MCM5: variants seen among roughly 807,000 people sequenced by gnomAD.
MCM5 encodes the protein DNA replication licensing factor MCM5.
MCM5 carries 46 observed loss-of-function variants against 79.9 expected under a neutral mutation model. The ratio of observed to expected loss-of-function variants is 0.58; its 90% CI spans 0.45 to 0.74. The LOEUF (loss-of-function observed/expected upper bound fraction) is 0.74. Among genes scored for constraint, MCM5 ranks in the 30% least tolerant of loss-of-function variants. MCM5 has a pLI of 0.00. For synonymous variants in MCM5, 404 were observed against 390.5 expected, an observed-to-expected ratio of 1.03 and a Z score of -0.41; for missense variants, 883 against 1,017.0, an observed-to-expected ratio of 0.87 and a Z score of 1.79.
the MCM5 span, among the ~76,000 whole-genome samples, chr22:35,445,950 G>A: frequency 6.6e-6 from 1 of 152,340 alleles, no homozygotes; most frequent in African/African-American, 2.4e-5. Context: ...ACTGCAACCT[G>A]TGTTCTTTGA....
At chr22:35,418,709 A>ACT (rs1555904721) in intron 13 of MCM5, among the ~76,000 whole-genome samples, 1 of 150,754 alleles carries the variant, frequency 6.6e-6, no homozygotes, top group African/African-American at 2.5e-5. Context: ...ACACACACAC[A>ACT]CTCACTCTTA....
intron 4 of MCM5, among the ~76,000 whole-genome samples, chr22:35,404,482 T>G (rs1164454705): frequency 6.6e-6 from 1 of 152,174 alleles, no homozygotes; most frequent in African/African-American, 2.4e-5. Flanking sequence ...AACATACCCC[T>G]TCCCCCCCGT....
Position 35,424,140 on chromosome 22 carries a change from A to C in MCM5, c.2104-14A>C. On this transcript the variant is annotated splice_polypyrimidine_tract_variant and intron_variant, in intron 16 of 16. Transcript: ENST00000216122. ...GGGCAGCACGTGCCGTTAGCCAGCC[A>C]TGTGCTCCCACAGAAATACCCGGAG... is the stretch of plus-strand genomic sequence containing the variant. 6.5e-7 allele frequency: 1 copy of C among 1,535,978 alleles called. No individual in the cohort carries two copies. The highest frequency in any genetic ancestry group is 8.8e-7 in the Non-Finnish European group (1 of 1,134,098).
intron 5 of MCM5, among the ~76,000 whole-genome samples, chr22:35,408,098 C>T (rs149975409): frequency 5.9e-5 from 9 of 152,302 alleles, no homozygotes; most frequent in Non-Finnish European, 1.3e-4. Flanking sequence ...TGAACTAGCT[C>T]TTCACCCATG....
the MCM5 span, among the ~76,000 whole-genome samples, chr22:35,452,513 A>G: frequency 6.3e-3 from 957 of 152,324 alleles, 2 homozygotes; most frequent in Non-Finnish European, 9.5e-3. Context: ...CCTCCACGGT[A>G]AAGTGACGCT....
the MCM5 span, among the ~76,000 whole-genome samples, chr22:35,447,781 T>G: frequency 5.3e-5 from 8 of 152,250 alleles, no homozygotes; most frequent in Non-Finnish European, 1.0e-4. Context: ...CATTAACTCT[T>G]AAGGAGGAAA....
rs1932233572 is a variant in MCM5 at position 35,406,865 on chromosome 22, G to A, written c.596+140G>A. 6.0e-6 allele frequency: 5 copies of A among 837,458 alleles called. No homozygotes were observed. In the East Asian group the frequency reaches 1.3e-4, roughly 22 times the overall value. 51.9% of individuals were successfully genotyped at this position (837,458 alleles called of 1,614,324 possible). On this transcript the variant is annotated intron_variant, in intron 5 of 16. Transcript: ENST00000216122. ...TGGGCAGGGGTGTGCCCTTAGGATT[G>A]GCACAGATCTGATGCCCTGTGGCTC...
the MCM5 span, among the ~76,000 whole-genome samples, chr22:35,446,416 G>A: frequency 1.3e-5 from 2 of 152,112 alleles, no homozygotes; most frequent in Admixed American, 6.6e-5. Context: ...CTCTAGCACT[G>A]TCTCTCACAC....
chr22:35,448,827 C>T, the MCM5 span, among the ~76,000 whole-genome samples: 1 of 152,180 alleles, frequency 6.6e-6, no homozygotes, highest in African/African-American at 2.4e-5. Flanking sequence ...GGGCTTAGCT[C>T]CAGGGCTGCT....
intron 11 of MCM5, 54 bp downstream of exon 11, chr22:35,416,458 C>T (rs558488665): frequency 1.4e-5 from 22 of 1,575,476 alleles, no homozygotes; most frequent in Non-Finnish European, 1.7e-5. Context: ...GTGGCCCAAC[C>T]GTCCTCAGGC....
intron 10 of MCM5, among the ~76,000 whole-genome samples, 165 bp downstream of exon 10, chr22:35,416,137 C>T (rs1932533078): frequency 6.6e-6 from 1 of 152,214 alleles, no homozygotes; most frequent in Non-Finnish European, 1.5e-5. Flanking sequence ...CTTCAAGCCT[C>T]AGTTCCCATA....
chr22:35,447,399 C>A, the MCM5 span, among the ~76,000 whole-genome samples: 1 of 152,136 alleles, frequency 6.6e-6, no homozygotes, highest in Non-Finnish European at 1.5e-5. Flanking sequence ...GGAGTCCTCT[C>A]TCATTCCTGG....
chr22:35,435,369 A>G, the MCM5 span, among the ~76,000 whole-genome samples: 4 of 152,094 alleles, frequency 2.6e-5, no homozygotes, highest in South Asian at 4.1e-4. Flanking sequence ...TGGGGCCTCG[A>G]TGGGGACTTG....
At chr22:35,440,915 G>A in the MCM5 span, among the ~76,000 whole-genome samples, 2 of 152,102 alleles carry the variant, frequency 1.3e-5, no homozygotes, top group Admixed American at 1.3e-4. Context: ...AAATTAGCCG[G>A]GTGTGGTGGC....
intron 16 of MCM5, 155 bp downstream of exon 16, chr22:35,423,496 A>G: frequency 1.3e-6 from 1 of 751,776 alleles, no homozygotes; most frequent in South Asian, 2.8e-5. Context: ...TCTAGCCATC[A>G]TTCCTTCCCT....
At chr22:35,453,817 TATAGAGAG>T in the MCM5 span, among the ~76,000 whole-genome samples, 7 of 78,258 alleles carry the variant, frequency 8.9e-5, no homozygotes, top group African/African-American at 1.3e-4. Flanking sequence ...TATATATATA[TATAGAGAG>T]AGAGAGAGAG....
chr22:35,417,131 A>C (rs566702061), intron 12 of MCM5, among the ~76,000 whole-genome samples: 1 of 152,198 alleles, frequency 6.6e-6, no homozygotes, highest in Non-Finnish European at 1.5e-5. Context: ...ATAGAACCTC[A>C]GTTCTGGTTA....
At chr22:35,401,230 A>G (rs1361447168) in intron 2 of MCM5, 2 of 371,350 alleles carry the variant, frequency 5.4e-6, no homozygotes, top group Non-Finnish European at 1.1e-5. Context: ...CTTTATCCAG[A>G]TCTTGTTCCT....
In MCM5 at chr22:35,404,478, C is replaced by G. The variant is rs4645748; in HGVS notation, c.423+936C>G. Among the ~76,000 whole-genome samples, 137 of 152,252 alleles carry G rather than the reference C, an allele frequency of 9.0e-4. No homozygotes were observed. In the East Asian group the frequency reaches 0.023, roughly 26 times the overall value. ...GCCTCCTTGGGGTGGTTACAACATA[C>G]CCCTTCCCCCCCGTGATTTTTGGAA... On this transcript the variant is annotated intron_variant, in intron 4 of 16. Coordinates refer to ENST00000216122, the MANE Select transcript of MCM5 (RefSeq NM_006739.4).
Sources: gnomAD v4.1 joint callset for allele counts (sites outside exome capture counted in the v4.1 genomes callset) on GRCh38, gnomAD v4.1.1 for gene constraint, MANE v1.5 for transcripts, NCBI Gene and HGNC (gene_info 2026-07-23, HGNC 2026-07-21) for gene names.